The following RBPMS variants were observed in gnomAD, a reference collection of about 807,000 sequenced individuals.
RBPMS encodes the protein RNA binding protein, mRNA processing factor, also known as RNA-binding protein with multiple splicing.
Under a neutral mutation model 26.8 loss-of-function variants are expected in RBPMS, and 7 were observed. That is an observed-to-expected ratio of 0.26 (90% CI 0.15 to 0.49). The LOEUF is 0.49. RBPMS is among the 20% of genes least tolerant of loss of function. RBPMS has a pLI of 0.98. For synonymous variants in RBPMS, 96 were observed against 93.3 expected (o/e 1.03, Z -0.17); for missense variants, 186 against 250.0 (o/e 0.74, Z 1.73).
chr8:30,385,243 T>TG, intron 1 of RBPMS, 85 bp downstream of exon 1: 1 of 962,874 alleles, frequency 1.0e-6, no homozygotes, highest in East Asian at 3.4e-5. Context: ...GGCGCGGCGG[T>TG]GGAAGAAGGT....
In RBPMS at chr8:30,511,620, T is replaced by C. The variant is rs1000321832; in HGVS notation, c.397+7184T>C. 4.0e-5 allele frequency among the ~76,000 whole-genome samples: 6 copies of C among 149,836 alleles called. No homozygotes were observed. In the East Asian group the frequency reaches 1.2e-3, roughly 29 times the overall value. ...ATATTTGTGTATATATATATTTGTATATATATGTGTGTGTGTGTATATAGA... is the reference window on the plus strand; with the variant it reads ...ATATTTGTGTATATATATATTTGTACATATATGTGTGTGTGTGTATATAGA... On this transcript the variant is annotated intron_variant, in intron 5 of 8. Transcript: ENST00000397323.
rs139341618 is a variant in RBPMS, at chr8:30,492,909, T to C, written c.247-11377T>C. Among the ~76,000 whole-genome samples, 140 of 152,328 alleles carry C rather than the reference T, an allele frequency of 9.2e-4. 2 individuals carry two copies. Among genetic ancestry groups the C allele is most frequent in the African/African-American group, 3.1e-3 (130 of 41,578 alleles). On this transcript the variant is annotated intron_variant, in intron 4 of 8. Coordinates refer to ENST00000397323, the MANE Select transcript of RBPMS (RefSeq NM_001008710.3). Reference sequence around the variant, plus strand: ...TGATTTAAGCCTATGATCTGAGCTTTACAGAGATGAATCACATAATCGGGA... The same window carrying C: ...TGATTTAAGCCTATGATCTGAGCTTCACAGAGATGAATCACATAATCGGGA...
At chr8:30,462,465 C>G (rs1816027600) in intron 1 of RBPMS, among the ~76,000 whole-genome samples, 1 of 151,722 alleles carries the variant, frequency 6.6e-6, no homozygotes. Context: ...GCTCTGTCAC[C>G]CAGGCTAGAG....
At chr8:30,559,943 T>C (rs1827308812) in intron 7 of RBPMS, among the ~76,000 whole-genome samples, 1 of 152,228 alleles carries the variant, frequency 6.6e-6, no homozygotes, top group African/African-American at 2.4e-5. Flanking sequence ...TGAGTCCATA[T>C]GCTTTTGTTA....
chr8:30,544,993 C>G (rs1298312257), intron 6 of RBPMS: 1 of 1,450,982 alleles, frequency 6.9e-7, no homozygotes, highest in Non-Finnish European at 9.0e-7. Flanking sequence ...AAGGTGTGTG[C>G]TAGGAGAAGG....
At chr8:30,499,956 A>C (rs941522754) in intron 4 of RBPMS, among the ~76,000 whole-genome samples, 1 of 152,106 alleles carries the variant, frequency 6.6e-6, no homozygotes. Context: ...CAAAGGGTAT[A>C]TAGGAATTAT....
chr8:30,427,019 G>T (rs1189796284), intron 1 of RBPMS, among the ~76,000 whole-genome samples: 1 of 152,066 alleles, frequency 6.6e-6, no homozygotes, highest in Non-Finnish European at 1.5e-5. Context: ...CAAACTCCTG[G>T]AGCTCAAGCA....
intron 4 of RBPMS, among the ~76,000 whole-genome samples, chr8:30,497,155 CAAA>C (rs375867784): frequency 6.6e-6 from 1 of 151,742 alleles, no homozygotes; most frequent in African/African-American, 2.4e-5. Context: ...TCTAAAAAGG[CAAA>C]AAAAATTCTT....
chr8:30,567,996 G>A (rs1320667422), intron 8 of RBPMS, among the ~76,000 whole-genome samples: 1 of 152,184 alleles, frequency 6.6e-6, no homozygotes, highest in Non-Finnish European at 1.5e-5. Context: ...GCAGAGATGG[G>A]CCATTCTCCA....
chr8:30,540,431 C>G (rs1462750647), intron 5 of RBPMS, among the ~76,000 whole-genome samples: 1 of 152,084 alleles, frequency 6.6e-6, no homozygotes, highest in Non-Finnish European at 1.5e-5. Flanking sequence ...AGTGACATGA[C>G]TGAATTAAGA....
At chr8:30,487,204 C>T (rs1370505223) in intron 4 of RBPMS, among the ~76,000 whole-genome samples, 4 of 151,886 alleles carry the variant, frequency 2.6e-5, no homozygotes, top group Non-Finnish European at 4.4e-5. Flanking sequence ...CAGGGCAGCA[C>T]ATTTTGGCAG....
chr8:30,455,229 C>G (rs1815062383), intron 1 of RBPMS, among the ~76,000 whole-genome samples: 1 of 152,130 alleles, frequency 6.6e-6, no homozygotes. Context: ...CTGACCATTT[C>G]TGTGAAATAA....
chr8:30,431,632 G>A (rs1376388213), intron 1 of RBPMS, among the ~76,000 whole-genome samples: 1 of 151,926 alleles, frequency 6.6e-6, no homozygotes, highest in African/African-American at 2.4e-5. Flanking sequence ...TGTATTTTTA[G>A]TGGAGACAAG....
At chr8:30,439,487 G>T (rs1009370058) in intron 1 of RBPMS, among the ~76,000 whole-genome samples, 1 of 152,170 alleles carries the variant, frequency 6.6e-6, no homozygotes, top group Non-Finnish European at 1.5e-5. Context: ...GGCTGACTTT[G>T]CAGTGAGGGT....
At chr8:30,448,729 T>G (rs1300461279) in intron 1 of RBPMS, among the ~76,000 whole-genome samples, 1 of 152,226 alleles carries the variant, frequency 6.6e-6, no homozygotes, top group Non-Finnish European at 1.5e-5. Context: ...AACCAAGTTA[T>G]TTTGAACTTC....
At chr8:30,464,045 T>C (rs964966969) in intron 1 of RBPMS, among the ~76,000 whole-genome samples, 2 of 152,178 alleles carry the variant, frequency 1.3e-5, no homozygotes, top group African/African-American at 2.4e-5. Context: ...TCTTAGCTAC[T>C]TGACAGGCTT....
At chr8:30,420,263 G>C (rs1253648714) in intron 1 of RBPMS, among the ~76,000 whole-genome samples, 2 of 151,868 alleles carry the variant, frequency 1.3e-5, no homozygotes, top group Non-Finnish European at 2.9e-5. Flanking sequence ...CAAGTAAATG[G>C]AGATACAGAT....
intron 4 of RBPMS, among the ~76,000 whole-genome samples, chr8:30,501,264 CT>C (rs1820525780): frequency 7.3e-6 from 1 of 136,816 alleles, no homozygotes; most frequent in Non-Finnish European, 1.6e-5. Flanking sequence ...CACCCCACCC[CT>C]GACCCCTCCC....
intron 6 of RBPMS, chr8:30,545,335 C>CGA (rs1825785673): frequency 7.0e-6 from 8 of 1,150,240 alleles, no homozygotes; most frequent in African/African-American, 1.6e-5. Flanking sequence ...CACTTCCTCT[C>CGA]CCCTTGGAGA....
Sources: gnomAD v4.1 joint callset for allele counts (sites outside exome capture counted in the v4.1 genomes callset) on GRCh38, gnomAD v4.1.1 for gene constraint, MANE v1.5 for transcripts, NCBI Gene and HGNC (gene_info 2026-07-23, HGNC 2026-07-21) for gene names.